The following RAD51B variants were observed in gnomAD, a reference collection of about 807,000 sequenced individuals.
RAD51B encodes the protein DNA repair protein RAD51 homolog 2.
In RAD51B, 38 loss-of-function variants were observed where a neutral mutation model predicts 42.2. That is an observed-to-expected ratio of 0.90 (90% CI 0.70 to 1.18). The LOEUF (loss-of-function observed/expected upper bound fraction) is 1.18. Ranked by LOEUF, RAD51B falls within the 50% of genes most tolerant of loss-of-function variation. The probability of loss-of-function intolerance (pLI) is 0.00; values close to 1 mark genes in which losing one functional copy is unlikely to be tolerated. For missense variants in RAD51B, 373 were observed against 400.7 expected (o/e 0.93, Z 0.59); for synonymous variants, 154 against 145.2 (o/e 1.06, Z -0.43).
At chr14:68,481,055 C>G (rs1883139753), downstream of RAD51B, among the ~76,000 whole-genome samples, 1 of 152,188 alleles carries the variant, frequency 6.6e-6, no homozygotes, top group African/African-American at 2.4e-5. Context: ...ATAAAAGGCT[C>G]TTTGGTTTTG....
intron 10 of RAD51B, among the ~76,000 whole-genome samples, chr14:68,499,843 C>T (rs1884795054): frequency 6.6e-6 from 1 of 152,164 alleles, no homozygotes; most frequent in Non-Finnish European, 1.5e-5. Context: ...CCTGCAGACA[C>T]CTTGATGTGG....
intron 9 of RAD51B, among the ~76,000 whole-genome samples, chr14:68,459,647 C>T (rs1478710554): frequency 6.6e-6 from 1 of 152,190 alleles, no homozygotes; most frequent in African/African-American, 2.4e-5. Flanking sequence ...GAGACTGAGA[C>T]AGGATTAAAA....
chr14:67,838,870 C>T (rs553058942), intron 4 of RAD51B, among the ~76,000 whole-genome samples: 1 of 150,270 alleles, frequency 6.7e-6, no homozygotes, highest in African/African-American at 2.4e-5. Flanking sequence ...AAGAACTTTC[C>T]TCCATTTCCT....
chr14:68,086,353 C>T (rs2076985010), intron 7 of RAD51B, among the ~76,000 whole-genome samples: 2 of 152,124 alleles, frequency 1.3e-5, no homozygotes, highest in Admixed American at 1.3e-4. Flanking sequence ...AACGTCCAGC[C>T]ACCATGTGTC....
Position 68,286,938 on chromosome 14 carries a change from C to T in RAD51B, c.757-4946C>T, listed in dbSNP as rs557480254. Among the ~76,000 whole-genome samples the T allele has an allele frequency of 3.3e-5, 5 of 152,234 alleles. 1 individual carries two copies. The South Asian group carries it at 1.0e-3, about 32-fold the overall frequency. ...CTCTCTTAACTCAAGGTATTTGCTG[C>T]CTTAAGCTACTTTTTAAATACTTAG... On this transcript the variant is annotated intron_variant, in intron 7 of 10. Transcript: ENST00000471583.
chr14:68,091,075 C>A (rs1386902319), intron 7 of RAD51B, among the ~76,000 whole-genome samples: 2 of 152,010 alleles, frequency 1.3e-5, no homozygotes, highest in East Asian at 3.8e-4. Flanking sequence ...CGTATATGTG[C>A]CACATTTTCT....
At chr14:67,980,503 T>C (rs1216714003) in intron 7 of RAD51B, among the ~76,000 whole-genome samples, 2 of 152,106 alleles carry the variant, frequency 1.3e-5, no homozygotes, top group Admixed American at 6.5e-5. Context: ...TTAAGACTTA[T>C]AAAGCTAGAG....
chr14:68,416,986 A>T (rs1172041527), intron 9 of RAD51B, among the ~76,000 whole-genome samples: 1 of 152,196 alleles, frequency 6.6e-6, no homozygotes, highest in Non-Finnish European at 1.5e-5. Context: ...AAAAGTTGAT[A>T]AATTTTTTTT....
intron 7 of RAD51B, among the ~76,000 whole-genome samples, chr14:67,993,553 C>T (rs1177745009): frequency 3.3e-5 from 5 of 152,126 alleles, no homozygotes; most frequent in South Asian, 2.1e-4. Context: ...AATATTACTC[C>T]GTTTTGTGTA....
At chr14:68,502,351 T>G (rs1884983453) in intron 10 of RAD51B, among the ~76,000 whole-genome samples, 1 of 152,160 alleles carries the variant, frequency 6.6e-6, no homozygotes, top group Non-Finnish European at 1.5e-5. Context: ...GATCAAAGCC[T>G]GCTGCAGAAG....
intron 7 of RAD51B, among the ~76,000 whole-genome samples, chr14:67,926,752 T>C (rs573022971): frequency 9.9e-5 from 15 of 151,616 alleles, no homozygotes; most frequent in African/African-American, 3.6e-4. Flanking sequence ...TTAGTAGGGG[T>C]GGGGTTTCAT....
chr14:68,451,668 G>A (rs950174514), intron 9 of RAD51B, among the ~76,000 whole-genome samples: 2 of 152,174 alleles, frequency 1.3e-5, no homozygotes, highest in Non-Finnish European at 2.9e-5. Context: ...AGAATGCTGC[G>A]GTAACAGAGA....
chr14:68,577,347 T>G (rs941330056), intron 10 of RAD51B, among the ~76,000 whole-genome samples: 2 of 152,132 alleles, frequency 1.3e-5, no homozygotes, highest in African/African-American at 4.8e-5. Flanking sequence ...TTGTCTACAA[T>G]TTTAATCATT....
Position 67,871,620 on chromosome 14 carries a change from C to G in RAD51B, c.452+6481C>G, listed in dbSNP as rs917363044. On this transcript the variant is annotated intron_variant, in intron 5 of 10. Transcript: ENST00000471583. ...GCATCATCCTGATACCAAAGCCGGG[C>G]AGAGACACAACCAAAAAAGAGAATT... Among the ~76,000 whole-genome samples, 28 of 152,206 alleles carry G rather than the reference C, an allele frequency of 1.8e-4. 1 individual carries two copies. The highest frequency in any genetic ancestry group is 1.7e-3 in the Admixed American group (26 of 15,298).
chr14:68,431,259 G>T (rs2084996413), intron 9 of RAD51B, among the ~76,000 whole-genome samples: 1 of 152,174 alleles, frequency 6.6e-6, no homozygotes, highest in Non-Finnish European at 1.5e-5. Context: ...GATGATGCTG[G>T]CCTCATAAAA....
At chr14:67,922,687 C>CTTTTTTTTTT (rs34206440) in intron 7 of RAD51B, among the ~76,000 whole-genome samples, 6 of 132,516 alleles carry the variant, frequency 4.5e-5, no homozygotes, top group Non-Finnish European at 6.5e-5. Flanking sequence ...AATATGTAGT[C>CTTTTTTTTTT]TTTTTTTTTT....
intron 10 of RAD51B, among the ~76,000 whole-genome samples, chr14:68,581,611 C>G (rs866351955): frequency 1.3e-5 from 2 of 152,096 alleles, no homozygotes; most frequent in Non-Finnish European, 2.9e-5. Context: ...AATGCTATCC[C>G]CATCCAGCTA....
chr14:68,086,733 A>G (rs1441565179), intron 7 of RAD51B, among the ~76,000 whole-genome samples: 1 of 152,178 alleles, frequency 6.6e-6, no homozygotes, highest in East Asian at 1.9e-4. Flanking sequence ...AAGGGATGTT[A>G]TTGGTGATGA....
chr14:68,463,921 T>G (rs2085910781), intron 9 of RAD51B, among the ~76,000 whole-genome samples: 2 of 152,224 alleles, frequency 1.3e-5, no homozygotes. Flanking sequence ...TCCATTGATA[T>G]AACCTGAGAA....
Sources: allele counts gnomAD v4.1 joint callset (sites outside exome capture counted in the v4.1 genomes callset), GRCh38; gene constraint gnomAD v4.1.1; transcripts MANE v1.5; gene names NCBI Gene and HGNC (gene_info 2026-07-23, HGNC 2026-07-21).